The following COL5A2 variants were observed in gnomAD, a reference collection of about 807,000 sequenced individuals.
The protein encoded by COL5A2 is collagen type V alpha 2 chain.
Under a neutral mutation model 208.2 loss-of-function variants are expected in COL5A2, and 23 were observed. That is an observed-to-expected ratio of 0.11 (90% CI 0.08 to 0.16). The LOEUF (loss-of-function observed/expected upper bound fraction) is 0.16, where lower values mean the gene tolerates loss of function less well. COL5A2 is among the 10% of genes least tolerant of loss of function. The probability of loss-of-function intolerance (pLI) is 1.00; values close to 1 mark genes in which losing one functional copy is unlikely to be tolerated. For synonymous variants in COL5A2, 625 were observed against 628.5 expected, an observed-to-expected ratio of 0.99 and a Z score of 0.08; for missense variants, 1,590 against 1,956.4, an observed-to-expected ratio of 0.81 and a Z score of 3.53.
chr2:189,075,472 A>G (rs376874406), intron 16 of COL5A2, 35 bp from the exon 17 acceptor site: 22 of 1,545,528 alleles, frequency 1.4e-5, no homozygotes, highest in Non-Finnish European at 1.8e-5. Flanking sequence ...ACAGGATAAG[A>G]TTACATTTTA....
chr2:189,206,689 C>T (rs1689147494), intron 1 of COL5A2, among the ~76,000 whole-genome samples: 1 of 152,136 alleles, frequency 6.6e-6, no homozygotes, highest in Non-Finnish European at 1.5e-5. Flanking sequence ...CCTATTCACA[C>T]TGAGAGCAAT....
intron 1 of COL5A2, among the ~76,000 whole-genome samples, chr2:189,137,417 C>G (rs952849188): frequency 6.6e-6 from 1 of 152,168 alleles, no homozygotes; most frequent in Non-Finnish European, 1.5e-5. Flanking sequence ...GACTTATGTT[C>G]TGATCACTAT....
chr2:189,082,465 T>C (rs1559095078), intron 12 of COL5A2, among the ~76,000 whole-genome samples: 1 of 152,208 alleles, frequency 6.6e-6, no homozygotes, highest in Non-Finnish European at 1.5e-5. Flanking sequence ...TAATGCCTCA[T>C]TTTACAGAGA....
intron 1 of COL5A2, among the ~76,000 whole-genome samples, chr2:189,222,720 C>G (rs989588743): frequency 1.3e-5 from 2 of 152,162 alleles, no homozygotes; most frequent in African/African-American, 4.8e-5. Flanking sequence ...CAAGGCAAAC[C>G]TGCCTGCTTT....
the COL5A2 span, among the ~76,000 whole-genome samples, chr2:189,305,395 T>A: frequency 6.6e-6 from 1 of 152,236 alleles, no homozygotes; most frequent in Non-Finnish European, 1.5e-5. Context: ...TTCTCCTTCA[T>A]GGATAAGATT....
chr2:189,186,925 C>T (rs1271159397), intron 1 of COL5A2, among the ~76,000 whole-genome samples: 1 of 152,094 alleles, frequency 6.6e-6, no homozygotes, highest in African/African-American at 2.4e-5. Context: ...TACCTTCATT[C>T]TAACATTCTT....
At chr2:189,219,546 C>A (rs2105877021) in intron 1 of COL5A2, among the ~76,000 whole-genome samples, 1 of 152,192 alleles carries the variant, frequency 6.6e-6, no homozygotes, top group South Asian at 2.1e-4. Context: ...GGATTAAAAT[C>A]ATCACATTCA....
At chr2:189,113,728 A>G (rs979878252) in intron 1 of COL5A2, among the ~76,000 whole-genome samples, 21 of 149,724 alleles carry the variant, frequency 1.4e-4, no homozygotes, top group Non-Finnish European at 2.5e-4. Context: ...ATAACAAAAT[A>G]TGTTATTATT....
the COL5A2 span, among the ~76,000 whole-genome samples, chr2:189,268,825 T>C: frequency 1.3e-5 from 2 of 152,172 alleles, no homozygotes; most frequent in Admixed American, 1.3e-4. Context: ...AAGTTGTGTA[T>C]CTTTTGGTCA....
chr2:189,185,115 C>A (rs899561554), intron 1 of COL5A2, among the ~76,000 whole-genome samples: 1 of 152,100 alleles, frequency 6.6e-6, no homozygotes, highest in Non-Finnish European at 1.5e-5. Context: ...CCTCCGCCTC[C>A]CGGGTTCAAA....
At chr2:189,317,900 G>A in the COL5A2 span, among the ~76,000 whole-genome samples, 3 of 152,126 alleles carry the variant, frequency 2.0e-5, no homozygotes, top group Non-Finnish European at 4.4e-5. Flanking sequence ...TTATTTGACT[G>A]ACCAAAATAT....
chr2:189,143,893 T>C (rs973002682), intron 1 of COL5A2, among the ~76,000 whole-genome samples: 2 of 152,176 alleles, frequency 1.3e-5, no homozygotes, highest in African/African-American at 4.8e-5. Context: ...ATATCATACG[T>C]ATTATGTGTT....
chr2:189,188,070 A>G (rs1379461417), intron 1 of COL5A2, among the ~76,000 whole-genome samples: 2 of 152,034 alleles, frequency 1.3e-5, no homozygotes, highest in African/African-American at 4.8e-5. Flanking sequence ...TCACCCTCTC[A>G]TTCTGCTGTG....
At chr2:189,097,434 CTT>C (rs760089740) in intron 5 of COL5A2, 104 bp from the exon 6 acceptor site, 13 of 1,154,292 alleles carry the variant, frequency 1.1e-5, no homozygotes, top group Non-Finnish European at 1.7e-5. Flanking sequence ...AAATACCACA[CTT>C]AATTCAGTTC....
chr2:189,249,154 T>C, the COL5A2 span, among the ~76,000 whole-genome samples: 1 of 152,214 alleles, frequency 6.6e-6, no homozygotes, highest in South Asian at 2.1e-4. Flanking sequence ...GATTATTTTC[T>C]CACTAAAATC....
At chr2:189,138,737 A>G (rs1277600990) in intron 1 of COL5A2, among the ~76,000 whole-genome samples, 1 of 152,208 alleles carries the variant, frequency 6.6e-6, no homozygotes, top group Non-Finnish European at 1.5e-5. Context: ...AAAAAAGCCC[A>G]CATGATGGGG....
chr2:189,283,702 A>C, the COL5A2 span, among the ~76,000 whole-genome samples: 1 of 152,186 alleles, frequency 6.6e-6, no homozygotes, highest in Non-Finnish European at 1.5e-5. Context: ...ATACTGGTTC[A>C]TTAATTGTGA....
At chr2:189,331,902 A>G in the COL5A2 span, among the ~76,000 whole-genome samples, 1 of 148,128 alleles carries the variant, frequency 6.8e-6, no homozygotes, top group African/African-American at 2.5e-5. Flanking sequence ...GTGAGCGGAG[A>G]TTGTGCCACT....
At chr2:189,265,237 T>C in the COL5A2 span, among the ~76,000 whole-genome samples, 2 of 151,990 alleles carry the variant, frequency 1.3e-5, no homozygotes, top group Non-Finnish European at 2.9e-5. Flanking sequence ...AAGAAAAAAA[T>C]AGATTTACCA....
Sources: gnomAD v4.1 joint callset for allele counts (sites outside exome capture counted in the v4.1 genomes callset) on GRCh38, gnomAD v4.1.1 for gene constraint, MANE v1.5 for transcripts, NCBI Gene and HGNC (gene_info 2026-07-23, HGNC 2026-07-21) for gene names.